Variants in INO80D observed in about 807,000 individuals in gnomAD.
INO80D encodes INO80 complex subunit D.
Under a neutral mutation model 87.6 loss-of-function variants are expected in INO80D, and 21 were observed. The observed-to-expected ratio is 0.24, with a 90% CI of 0.17 to 0.35. INO80D has a LOEUF of 0.35. Ranked by LOEUF, INO80D falls within the 10% of genes least tolerant of loss-of-function variation. The pLI, the probability that INO80D is intolerant of heterozygous loss-of-function variation, is 1.00. For missense variants in INO80D, 982 were observed against 1,280.7 expected, an observed-to-expected ratio of 0.77 and a Z score of 3.56; for synonymous variants, 440 against 491.0, an observed-to-expected ratio of 0.90 and a Z score of 1.37.
chr2:206,032,970 C>G (rs974268024), intron 5 of INO80D, among the ~76,000 whole-genome samples: 1 of 152,134 alleles, frequency 6.6e-6, no homozygotes. Flanking sequence ...ATGAAAGCAA[C>G]GGTACCTCAT....
intron 10 of INO80D, among the ~76,000 whole-genome samples, chr2:206,006,210 T>C (rs1376294577): frequency 1.3e-5 from 2 of 152,236 alleles, no homozygotes; most frequent in Non-Finnish European, 2.9e-5. Flanking sequence ...AGGAACTTGA[T>C]TAATCACCAT....
At chr2:206,083,930 A>G (rs534364864) in intron 1 of INO80D, among the ~76,000 whole-genome samples, 12 of 151,766 alleles carry the variant, frequency 7.9e-5, no homozygotes, top group South Asian at 6.3e-4. Flanking sequence ...ACACGCCCAC[A>G]CTGGGGACTG....
At chr2:206,076,866 TCTC>T (rs754811136) in intron 1 of INO80D, among the ~76,000 whole-genome samples, 1 of 152,208 alleles carries the variant, frequency 6.6e-6, no homozygotes, top group Non-Finnish European at 1.5e-5. Flanking sequence ...GCTTCAGTCT[TCTC>T]ATCTGTAAAG....
chr2:206,066,322 C>T (rs66467351), intron 1 of INO80D, among the ~76,000 whole-genome samples: 29,107 of 151,904 alleles, frequency 0.19, 3,333 homozygotes, highest in Non-Finnish European at 0.27. Flanking sequence ...TAGAACTACC[C>T]ACTACTAGGC....
At chr2:206,035,098 C>G (rs558021269) in intron 5 of INO80D, among the ~76,000 whole-genome samples, 35 of 152,088 alleles carry the variant, frequency 2.3e-4, no homozygotes, top group African/African-American at 8.0e-4. Flanking sequence ...ATGGATGACA[C>G]GAACAAATGG....
chr2:206,079,236 C>G (rs1004371830), intron 1 of INO80D, among the ~76,000 whole-genome samples: 11 of 152,082 alleles, frequency 7.2e-5, no homozygotes, highest in Admixed American at 1.3e-4. Context: ...CCACACCTGG[C>G]TAATTTTTGT....
chr2:206,000,549 T>C lies in INO80D; in HGVS notation c.*3819A>G, dbSNP rs1023980100. 6 of 151,962 alleles carry C rather than the reference T, an allele frequency of 3.9e-5. No individual in the cohort carries two copies. Among genetic ancestry groups the C allele is most frequent in the Non-Finnish European group, 8.8e-5 (6 of 68,010 alleles). The allele number at this position is 151,962 out of a possible 1,614,324, so 9.4% of individuals were successfully genotyped here. On this transcript the variant is annotated 3_prime_UTR_variant, in exon 11 of 11. Transcript: ENST00000403263. ...TCTTTCATGTAAGAAGAAAACCGTA[T>C]GGACAGGGCACCTCTGTGCATCCCA...
intron 1 of INO80D, among the ~76,000 whole-genome samples, chr2:206,071,091 G>A (rs963048884): frequency 2.6e-5 from 4 of 151,218 alleles, no homozygotes; most frequent in Non-Finnish European, 4.4e-5. Flanking sequence ...CCTGAGTAGC[G>A]GGGATTACAG....
chr2:206,000,203 AAAAG>A lies in INO80D; in HGVS notation c.*4161_*4164del, dbSNP rs1480865781. 1.3e-4 allele frequency: 20 copies of A among 152,136 alleles called. No homozygotes were observed. Among genetic ancestry groups the A allele is most frequent in the African/African-American group, 4.8e-4 (20 of 41,424 alleles). The allele number at this position is 152,136 out of a possible 1,614,324, so 9.4% of individuals were successfully genotyped here. A position where few individuals can be genotyped will look rare whatever the true frequency, so the allele number is the denominator to read the frequency against. ...AGAACAGTATTTTTAAAGAAGTCTG[AAAAG>A]AAAGATGAAGAAACTGAAAACTAAT... On this transcript the variant is annotated 3_prime_UTR_variant, in exon 11 of 11. Coordinates refer to ENST00000403263, the MANE Select transcript of INO80D (RefSeq NM_017759.5).
chr2:206,048,849 C>T (rs1287521654), intron 4 of INO80D, among the ~76,000 whole-genome samples: 1 of 152,136 alleles, frequency 6.6e-6, no homozygotes, highest in Non-Finnish European at 1.5e-5. Context: ...TGCAGTGAGC[C>T]ATGATCATGT....
chr2:206,073,082 C>T (rs1030823488), intron 1 of INO80D, among the ~76,000 whole-genome samples: 3 of 152,098 alleles, frequency 2.0e-5, no homozygotes, highest in African/African-American at 7.2e-5. Flanking sequence ...AAGTGATCCT[C>T]CTGCTTCACC....
At chr2:206,024,361 CAT>C (rs1286925989) in intron 6 of INO80D, among the ~76,000 whole-genome samples, 1 of 152,024 alleles carries the variant, frequency 6.6e-6, no homozygotes, top group Admixed American at 6.6e-5. Context: ...GGGAACCTAA[CAT>C]AGTCCAGGGA....
At chr2:206,071,859 G>A (rs1240487033) in intron 1 of INO80D, among the ~76,000 whole-genome samples, 1 of 151,922 alleles carries the variant, frequency 6.6e-6, no homozygotes, top group Admixed American at 6.6e-5. Context: ...CTCCATGCTG[G>A]ACTATGTTCC....
At chr2:206,067,284 G>C (rs996041388) in intron 1 of INO80D, among the ~76,000 whole-genome samples, 4 of 151,748 alleles carry the variant, frequency 2.6e-5, no homozygotes, top group African/African-American at 4.8e-5. Flanking sequence ...ACAGAGGCTA[G>C]AGGCTACAAG....
chr2:206,083,437 A>G (rs1690338282), intron 1 of INO80D, among the ~76,000 whole-genome samples: 1 of 152,240 alleles, frequency 6.6e-6, no homozygotes, highest in Non-Finnish European at 1.5e-5. Context: ...TTTGGTACAC[A>G]TGTTTAAAAA....
At chr2:206,023,814 C>CA (rs1362450651) in intron 6 of INO80D, among the ~76,000 whole-genome samples, 1 of 151,886 alleles carries the variant, frequency 6.6e-6, no homozygotes, top group Non-Finnish European at 1.5e-5. Flanking sequence ...ATCATCAAAT[C>CA]AATCTGAAAA....
intron 5 of INO80D, among the ~76,000 whole-genome samples, chr2:206,036,999 G>A (rs1688912193): frequency 6.6e-6 from 1 of 152,142 alleles, no homozygotes; most frequent in Admixed American, 6.5e-5. Context: ...AAACCTGGTT[G>A]CTGATGAAGA....
intron 5 of INO80D, among the ~76,000 whole-genome samples, chr2:206,045,055 G>A (rs1216200068): frequency 1.3e-5 from 2 of 152,140 alleles, no homozygotes; most frequent in African/African-American, 2.4e-5. Flanking sequence ...GGTAAGTGAG[G>A]AACAACTGGG....
Position 206,062,314 on chromosome 2 carries a change from C to T in INO80D, c.218+485G>A, listed in dbSNP as rs762180709. ...AAAATTTTCTTCAGTAAGTATATATCCTTTACTAACTTCTAGGCATAGATT... is the reference window on the plus strand; with the variant it reads ...AAAATTTTCTTCAGTAAGTATATATTCTTTACTAACTTCTAGGCATAGATT... On this transcript the variant is annotated intron_variant, in intron 3 of 10. Transcript: ENST00000403263. This position sits in a 1 kb window ranked among gnomAD's most constrained non-coding sequence, Gnocchi z 4.6. Among the ~76,000 whole-genome samples, 9 of 152,066 alleles carry T rather than the reference C, an allele frequency of 5.9e-5. No individual in the cohort carries two copies. Among genetic ancestry groups the T allele is most frequent in the Non-Finnish European group, 1.0e-4 (7 of 68,010 alleles).
Sources: allele counts gnomAD v4.1 joint callset (sites outside exome capture counted in the v4.1 genomes callset), GRCh38; gene constraint gnomAD v4.1.1; non-coding constraint Gnocchi (gnomAD v3.1); transcripts MANE v1.5; gene names NCBI Gene and HGNC (gene_info 2026-07-23, HGNC 2026-07-21).